ROR1: variants seen among roughly 807,000 people sequenced by gnomAD.
The protein encoded by ROR1 is inactive tyrosine-protein kinase transmembrane receptor ROR1.
ROR1 carries 19 observed loss-of-function variants against 78.8 expected under a neutral mutation model. The ratio of observed to expected loss-of-function variants is 0.24; its 90% CI spans 0.17 to 0.35. The LOEUF (loss-of-function observed/expected upper bound fraction) is 0.35, where lower values mean the gene tolerates loss of function less well. ROR1 is among the 10% of genes least tolerant of loss of function. The probability of loss-of-function intolerance (pLI) is 1.00; values close to 1 mark genes in which losing one functional copy is unlikely to be tolerated. For missense variants in ROR1, 917 were observed against 1,177.8 expected (o/e 0.78, Z 3.24); for synonymous variants, 386 against 433.6 (o/e 0.89, Z 1.36).
At chr1:64,060,009 T>C (rs1042513500) in intron 4 of ROR1, among the ~76,000 whole-genome samples, 3 of 146,452 alleles carry the variant, frequency 2.0e-5, no homozygotes, top group South Asian at 2.1e-4. Flanking sequence ...GTTTTTTTTT[T>C]CCTATATATC....
rs1557686616 is a variant in ROR1, at chr1:64,178,776, T to C, written c.2735T>C (p.Ile912Thr). The change falls in exon 9 of 9, where the codon ATT (isoleucine) becomes ACT (threonine). Residue 912 changes from isoleucine to threonine, a missense_variant. Ile to Thr is a moderately conservative substitution (Grantham distance 89). Transcript: ENST00000371079. This position sits in a 1 kb window ranked among gnomAD's most constrained non-coding sequence, Gnocchi z 4.3. ...AACAAATCTCAAAAACCCTACAAAA[T>C]TGACTCAAAGCAAGCATCTTTACTA... ...FGNKSQKPYK[I>T]DSKQASLLGD... 2.5e-6 allele frequency: 4 copies of C among 1,613,848 alleles called. No homozygotes were observed. The highest frequency in any genetic ancestry group is 3.4e-6 in the Non-Finnish European group (4 of 1,180,000).
intron 1 of ROR1, among the ~76,000 whole-genome samples, chr1:63,871,696 C>G (rs1392279107): frequency 1.3e-5 from 2 of 152,274 alleles, no homozygotes; most frequent in East Asian, 3.9e-4. Context: ...TTTAAACTGA[C>G]AAAACTTGAT....
At chr1:63,886,884 GA>G (rs1451647518) in intron 1 of ROR1, among the ~76,000 whole-genome samples, 4 of 152,184 alleles carry the variant, frequency 2.6e-5, no homozygotes, top group Non-Finnish European at 5.9e-5. Flanking sequence ...ATAGGAATGG[GA>G]GTTGAAGTTT....
chr1:63,892,711 A>G (rs1319594680), intron 1 of ROR1, among the ~76,000 whole-genome samples: 1 of 152,120 alleles, frequency 6.6e-6, no homozygotes, highest in Admixed American at 6.5e-5. Flanking sequence ...GCCACCACTA[A>G]TGAGCCCTGT....
chr1:63,931,041 G>A (rs568136711), intron 1 of ROR1, among the ~76,000 whole-genome samples: 2 of 152,272 alleles, frequency 1.3e-5, no homozygotes, highest in African/African-American at 2.4e-5. Context: ...CAACACCTGG[G>A]GAGGCCAAGA....
intron 1 of ROR1, among the ~76,000 whole-genome samples, chr1:63,893,473 C>T (rs545126701): frequency 5.3e-5 from 8 of 152,230 alleles, no homozygotes; most frequent in Admixed American, 2.6e-4. Context: ...GTTTGCTGTG[C>T]TTGCTAATAT....
At chr1:63,967,214 T>C (rs984352481) in intron 1 of ROR1, among the ~76,000 whole-genome samples, 1 of 152,224 alleles carries the variant, frequency 6.6e-6, no homozygotes, top group African/African-American at 2.4e-5. Flanking sequence ...ACTTGTTGGA[T>C]AGATTCTGTA....
chr1:63,994,457 A>G (rs1408843085), intron 1 of ROR1, among the ~76,000 whole-genome samples: 1 of 152,150 alleles, frequency 6.6e-6, no homozygotes, highest in African/African-American at 2.4e-5. Context: ...ATACGGTCAA[A>G]TTTATTACCT....
intron 4 of ROR1, among the ~76,000 whole-genome samples, chr1:64,108,167 TG>T (rs1647910338): frequency 1.3e-5 from 2 of 149,738 alleles, no homozygotes; most frequent in Non-Finnish European, 3.0e-5. Flanking sequence ...GAGACCAAGG[TG>T]GGTGGATGGC....
chr1:64,171,596 G>A (rs1369656814), intron 8 of ROR1, among the ~76,000 whole-genome samples: 2 of 152,164 alleles, frequency 1.3e-5, no homozygotes, highest in Admixed American at 6.5e-5. Context: ...TCAGTCTTGG[G>A]ACATTAGAAC....
At chr1:64,000,450 G>A (rs1180415357) in intron 1 of ROR1, among the ~76,000 whole-genome samples, 2 of 152,122 alleles carry the variant, frequency 1.3e-5, no homozygotes, top group African/African-American at 4.8e-5. Flanking sequence ...GATGAATGAG[G>A]GAGTGTTAAC....
chr1:63,989,162 G>GTTTT (rs1287163623), intron 1 of ROR1, among the ~76,000 whole-genome samples: 2 of 117,388 alleles, frequency 1.7e-5, no homozygotes, highest in Admixed American at 8.6e-5. Flanking sequence ...GTCATTTTCT[G>GTTTT]TTTTTGTTTT....
intron 4 of ROR1, among the ~76,000 whole-genome samples, chr1:64,127,514 C>T (rs1648753736): frequency 6.6e-6 from 1 of 151,788 alleles, no homozygotes; most frequent in South Asian, 2.1e-4. Flanking sequence ...CTGTCTCTCT[C>T]TCTCTCTGTC....
chr1:63,785,717 G>A (rs1261601549), intron 1 of ROR1, among the ~76,000 whole-genome samples: 1 of 151,612 alleles, frequency 6.6e-6, no homozygotes, highest in Admixed American at 6.6e-5. Context: ...GTAGAGACAG[G>A]GTTTCACCAT....
At chr1:63,889,247 T>C (rs900812551) in intron 1 of ROR1, among the ~76,000 whole-genome samples, 4 of 128,924 alleles carry the variant, frequency 3.1e-5, no homozygotes, top group Non-Finnish European at 6.0e-5. Context: ...TTCTACCATA[T>C]ACTATTAGTC....
At chr1:63,899,354 T>C (rs1194279714) in intron 1 of ROR1, among the ~76,000 whole-genome samples, 1 of 152,214 alleles carries the variant, frequency 6.6e-6, no homozygotes, top group Admixed American at 6.5e-5. Flanking sequence ...AGTTGTGTCC[T>C]TGCCATATAC....
intron 1 of ROR1, among the ~76,000 whole-genome samples, chr1:63,814,251 A>G (rs1431383262): frequency 6.6e-6 from 1 of 152,198 alleles, no homozygotes; most frequent in Non-Finnish European, 1.5e-5. Context: ...TCAAAATCTC[A>G]GACTGGAGCA....
At chr1:64,156,088 T>A (rs1189728501) in intron 7 of ROR1, among the ~76,000 whole-genome samples, 1 of 152,218 alleles carries the variant, frequency 6.6e-6, no homozygotes, top group African/African-American at 2.4e-5. Context: ...CCAAAACTTT[T>A]ACCTGTGAAT....
chr1:64,117,886 G>A (rs1009670888), intron 4 of ROR1, among the ~76,000 whole-genome samples: 3 of 74,524 alleles, frequency 4.0e-5, no homozygotes, highest in East Asian at 2.1e-4. Flanking sequence ...ATCAGTTCAC[G>A]CATTTTGTCT....
Sources: allele counts gnomAD v4.1 joint callset (sites outside exome capture counted in the v4.1 genomes callset), GRCh38; gene constraint gnomAD v4.1.1; non-coding constraint Gnocchi (gnomAD v3.1); transcripts MANE v1.5; gene names NCBI Gene and HGNC (gene_info 2026-07-23, HGNC 2026-07-21).